SPMIP2: variants seen among roughly 807,000 people sequenced by gnomAD.
The protein encoded by SPMIP2 is sperm microtubule inner protein 2.
chr4:159,048,622 A>G, the SPMIP2 span, among the ~76,000 whole-genome samples: 1 of 152,088 alleles, frequency 6.6e-6, no homozygotes, highest in South Asian at 2.1e-4. Flanking sequence ...TCCCACATTC[A>G]ATATACACAA....
chr4:158,996,968 A>G, the SPMIP2 span, among the ~76,000 whole-genome samples: 2 of 152,184 alleles, frequency 1.3e-5, no homozygotes, highest in Non-Finnish European at 2.9e-5. Context: ...TAGACACCCA[A>G]ATAAAATGGA....
chr4:159,018,610 A>C, the SPMIP2 span, among the ~76,000 whole-genome samples: 1 of 152,178 alleles, frequency 6.6e-6, no homozygotes, highest in South Asian at 2.1e-4. Context: ...AAGTGAAAGG[A>C]GATTGTATTA....
At chr4:159,026,603 GCTT>G in the SPMIP2 span, 1 of 343,736 alleles carries the variant, frequency 2.9e-6, no homozygotes, top group Non-Finnish European at 5.3e-6. Context: ...TCTCCATACT[GCTT>G]CTTTTTTTTC....
chr4:159,038,519 A>T, the SPMIP2 span: 2 of 152,326 alleles, frequency 1.3e-5, no homozygotes, highest in African/African-American at 4.8e-5. Context: ...ATGAGCTAAC[A>T]TTCTAAAGAA....
chr4:158,972,223 C>A, the SPMIP2 span, among the ~76,000 whole-genome samples: 2 of 152,238 alleles, frequency 1.3e-5, no homozygotes, highest in South Asian at 2.1e-4. Flanking sequence ...TTAGCCGGGC[C>A]TGATGGCATG....
chr4:158,913,913 AAG>A, the SPMIP2 span, among the ~76,000 whole-genome samples: 8 of 152,186 alleles, frequency 5.3e-5, no homozygotes, highest in South Asian at 4.1e-4. Flanking sequence ...CAAATGGTGT[AAG>A]AGAGAGAGGA....
the SPMIP2 span, among the ~76,000 whole-genome samples, chr4:158,968,511 T>G: frequency 6.6e-6 from 1 of 152,226 alleles, no homozygotes; most frequent in African/African-American, 2.4e-5. Flanking sequence ...CTGTGTACAT[T>G]ATAAAGTGGC....
chr4:159,034,999 T>C, the SPMIP2 span: 4 of 1,540,026 alleles, frequency 2.6e-6, no homozygotes. Flanking sequence ...CAAATTTAGA[T>C]CTCCTTGTGA....
the SPMIP2 span, among the ~76,000 whole-genome samples, chr4:158,964,208 A>G: frequency 6.6e-6 from 1 of 151,640 alleles, no homozygotes; most frequent in African/African-American, 2.4e-5. Flanking sequence ...TGGAGGGATC[A>G]TGGAGTGAGG....
At chr4:158,936,467 C>G in the SPMIP2 span, among the ~76,000 whole-genome samples, 1 of 152,248 alleles carries the variant, frequency 6.6e-6, no homozygotes, top group Non-Finnish European at 1.5e-5. Context: ...AAAGCACGAC[C>G]TGTTTCCTCA....
At chr4:159,000,605 T>C in the SPMIP2 span, among the ~76,000 whole-genome samples, 3 of 151,102 alleles carry the variant, frequency 2.0e-5, no homozygotes, top group Non-Finnish European at 4.4e-5. Context: ...AGTATTCTCC[T>C]GCCTCAGCCT....
chr4:159,044,698 A>C, the SPMIP2 span, among the ~76,000 whole-genome samples: 1 of 152,146 alleles, frequency 6.6e-6, no homozygotes, highest in African/African-American at 2.4e-5. Flanking sequence ...CAGGAGGAAA[A>C]GCCTAATTTT....
the SPMIP2 span, among the ~76,000 whole-genome samples, chr4:158,973,472 T>A: frequency 5.9e-5 from 9 of 152,198 alleles, 1 homozygote; most frequent in African/African-American, 1.7e-4. Context: ...TATTAATACT[T>A]ATTTATAATT....
At chr4:158,942,681 G>A in the SPMIP2 span, among the ~76,000 whole-genome samples, 1 of 152,162 alleles carries the variant, frequency 6.6e-6, no homozygotes, top group African/African-American at 2.4e-5. Context: ...AGAAGCTGAG[G>A]CACGAGAGTC....
the SPMIP2 span, among the ~76,000 whole-genome samples, chr4:158,904,158 A>G: frequency 1.7e-4 from 26 of 152,234 alleles, no homozygotes; most frequent in Non-Finnish European, 3.5e-4. Context: ...GAAGTTATAT[A>G]GGGAATACAG....
At chr4:159,064,106 G>A in the SPMIP2 span, among the ~76,000 whole-genome samples, 53 of 152,294 alleles carry the variant, frequency 3.5e-4, no homozygotes, top group South Asian at 1.5e-3. Flanking sequence ...AGCTACTCAG[G>A]AGGCTGAGGC....
At chr4:158,945,951 A>C in the SPMIP2 span, among the ~76,000 whole-genome samples, 5 of 152,306 alleles carry the variant, frequency 3.3e-5, no homozygotes, top group East Asian at 5.8e-4. Flanking sequence ...CATCACCACA[A>C]ATCATTTTGT....
chr4:158,985,052 C>T, the SPMIP2 span, among the ~76,000 whole-genome samples: 2 of 149,956 alleles, frequency 1.3e-5, no homozygotes, highest in African/African-American at 4.9e-5. Context: ...ATAAATTCCT[C>T]GACACATACA....
At chr4:159,012,581 T>G in the SPMIP2 span, among the ~76,000 whole-genome samples, 1 of 68 alleles carries the variant, frequency 0.015, no homozygotes, top group Non-Finnish European at 0.12. Context: ...GTTGAAATAA[T>G]TTTTTTTTTT....
Sources: allele counts gnomAD v4.1 joint callset (sites outside exome capture counted in the v4.1 genomes callset), GRCh38; gene constraint gnomAD v4.1.1; transcripts MANE v1.5; gene names NCBI Gene and HGNC (gene_info 2026-07-23, HGNC 2026-07-21).